Variants in AKR1C3 observed in about 807,000 individuals in gnomAD.
AKR1C3 encodes the protein 3-alpha hydroxysteroid dehydrogenase, type II.
Under a neutral mutation model 43.6 loss-of-function variants are expected in AKR1C3, and 48 were observed. The ratio of observed to expected loss-of-function variants is 1.10; its 90% CI spans 0.87 to 1.40. The LOEUF (loss-of-function observed/expected upper bound fraction) is 1.40. Among genes scored for constraint, AKR1C3 ranks in the 40% most tolerant of loss-of-function variants. The pLI is 0.00. For missense variants in AKR1C3, 482 were observed against 391.2 expected, an observed-to-expected ratio of 1.23 and a Z score of -1.96; for synonymous variants, 162 against 139.6, an observed-to-expected ratio of 1.16 and a Z score of -1.13.
chr10:5,072,651 G>T (rs782056775), intron 1 of AKR1C3, among the ~76,000 whole-genome samples: 6 of 152,134 alleles, frequency 3.9e-5, no homozygotes, highest in Non-Finnish European at 7.4e-5. Context: ...ACAACTGCCT[G>T]CTTGTCATAA....
chr10:5,085,955 T>C (rs1214365437), intron 1 of AKR1C3, among the ~76,000 whole-genome samples: 5 of 151,874 alleles, frequency 3.3e-5, no homozygotes, highest in African/African-American at 4.9e-5. Context: ...GTCTATTTGA[T>C]TCTTCTCTCT....
intron 1 of AKR1C3, among the ~76,000 whole-genome samples, chr10:5,084,236 C>T (rs1365342991): frequency 6.6e-6 from 1 of 151,832 alleles, no homozygotes; most frequent in Non-Finnish European, 1.5e-5. Context: ...TTTAATCCAT[C>T]TTGAATTGAT....
At chr10:5,096,776 G>A (rs1488182748) in intron 2 of AKR1C3, among the ~76,000 whole-genome samples, 199 bp downstream of exon 2, 1 of 152,108 alleles carries the variant, frequency 6.6e-6, no homozygotes, top group Non-Finnish European at 1.5e-5. Context: ...TCCAATTTAT[G>A]ACCTGAAAGT....
chr10:5,107,616 T>C lies in AKR1C3; in HGVS notation c.*113T>C. ...CACCTCTACTTAAATCCGTCCTGTT[T>C]AGCGACTTCAGTCAACTACAGCTGA... is the stretch of plus-strand genomic sequence containing the variant. On this transcript the variant is annotated 3_prime_UTR_variant, in exon 9 of 9. Transcript: ENST00000380554. The C allele has an allele frequency of 2.5e-6, 2 of 786,690 alleles. No homozygotes were observed. Among genetic ancestry groups the C allele is most frequent in the Non-Finnish European group, 4.2e-6 (2 of 481,818 alleles). The allele number at this position is 786,690 out of a possible 1,614,324, so 48.7% of individuals were successfully genotyped here.
At chr10:5,096,666 G>A in intron 2 of AKR1C3, 89 bp downstream of exon 2, 1 of 1,457,870 alleles carries the variant, frequency 6.9e-7, no homozygotes, top group Non-Finnish European at 9.1e-7. Context: ...GTAGTTGTGG[G>A]TGAATTTTGC....
chr10:5,090,600 T>C (rs1464915597), upstream of AKR1C3, among the ~76,000 whole-genome samples: 1 of 152,116 alleles, frequency 6.6e-6, no homozygotes, highest in African/African-American at 2.4e-5. Context: ...TGCTTCTTCA[T>C]GGAGATAGAA....
chr10:5,097,517 C>T lies in AKR1C3; in HGVS notation c.336C>T (p.Asp112=), dbSNP rs201680078. 1.9e-6 allele frequency: 3 copies of T among 1,613,650 alleles called. No individual in the cohort carries two copies. The highest frequency in any genetic ancestry group is 2.2e-5 in the South Asian group (2 of 91,082). The change falls in exon 3 of 9, where the codon GAC becomes GAT. Residue 112 remains aspartate (D), a synonymous_variant. Transcript: ENST00000380554. ...SLKKAQLDYV[D]LYLIHSPMSL... ...AGAAAGCTCAATTGGACTATGTTGA[C>T]CTCTATCTTATTCATTCTCCAATGT... is the stretch of plus-strand genomic sequence containing the variant.
At chr10:5,069,690 C>T (rs563464467) in intron 1 of AKR1C3, among the ~76,000 whole-genome samples, 37 of 152,220 alleles carry the variant, frequency 2.4e-4, no homozygotes, top group African/African-American at 8.9e-4. Context: ...GCCTGGCCAA[C>T]ATGGTGAAAC....
exon 1 of AKR1C3, chr10:5,048,862 T>C: frequency 1.2e-6 from 2 of 1,613,920 alleles, no homozygotes; most frequent in Non-Finnish European, 1.7e-6. Flanking sequence ...ACTTCATGCC[T>C]GTCCTGGGAT....
upstream of AKR1C3, among the ~76,000 whole-genome samples, chr10:5,090,490 TC>T (rs1839066858): frequency 6.6e-6 from 1 of 152,088 alleles, no homozygotes; most frequent in African/African-American, 2.4e-5. Flanking sequence ...AAAACTACTG[TC>T]CCATAGCTCT....
chr10:5,083,324 G>A (rs934135096), intron 1 of AKR1C3, among the ~76,000 whole-genome samples: 147 of 152,076 alleles, frequency 9.7e-4, no homozygotes, highest in Non-Finnish European at 1.2e-3. Context: ...GAGAACATGC[G>A]GTGTTTGGTT....
intron 1 of AKR1C3, among the ~76,000 whole-genome samples, chr10:5,066,756 T>C (rs1768761132): frequency 6.6e-6 from 1 of 152,240 alleles, no homozygotes; most frequent in Admixed American, 6.5e-5. Context: ...ATTTAATGTA[T>C]TTTTCCGTAG....
At chr10:5,107,384 A>G in intron 8 of AKR1C3, 77 bp from the exon 9 acceptor site, 1 of 1,039,130 alleles carries the variant, frequency 9.6e-7, no homozygotes, top group South Asian at 1.3e-5. Flanking sequence ...TACTAATGAC[A>G]GCTTCATTGA....
chr10:5,067,475 G>A (rs1441910051), intron 1 of AKR1C3, among the ~76,000 whole-genome samples: 2 of 152,144 alleles, frequency 1.3e-5, no homozygotes, highest in African/African-American at 4.8e-5. Flanking sequence ...TTTTGTTGTA[G>A]TGCAGATGGC....
chr10:5,070,821 C>G (rs1158583156), intron 1 of AKR1C3, among the ~76,000 whole-genome samples: 2 of 152,204 alleles, frequency 1.3e-5, no homozygotes, highest in African/African-American at 4.8e-5. Flanking sequence ...TCTTGAGCTT[C>G]TAGCCTCCAG....
At chr10:5,055,214 C>T (rs1838234970) in intron 1 of AKR1C3, among the ~76,000 whole-genome samples, 1 of 152,196 alleles carries the variant, frequency 6.6e-6, no homozygotes. Context: ...AAATGAACTG[C>T]CAACTGTATA....
At chr10:5,071,012 T>C (rs74317538) in intron 1 of AKR1C3, among the ~76,000 whole-genome samples, 4 of 152,224 alleles carry the variant, frequency 2.6e-5, no homozygotes, top group African/African-American at 9.6e-5. Flanking sequence ...TGGGGTGGTA[T>C]TGATGGGCTG....
chr10:5,080,625 T>TCAAA (rs59461346), intron 1 of AKR1C3: 41,242 of 151,666 alleles, frequency 0.27, 6,212 homozygotes, highest in East Asian at 0.54. Context: ...AGACTCCGTC[T>TCAAA]CAAACAAACA....
At chr10:5,064,306 G>T (rs1838448666) in intron 1 of AKR1C3, among the ~76,000 whole-genome samples, 1 of 152,088 alleles carries the variant, frequency 6.6e-6, no homozygotes, top group African/African-American at 2.4e-5. Flanking sequence ...AACGAGTGAT[G>T]CTGTGATGAC....
Sources: allele counts gnomAD v4.1 joint callset (sites outside exome capture counted in the v4.1 genomes callset), GRCh38; gene constraint gnomAD v4.1.1; transcripts MANE v1.5; gene names NCBI Gene and HGNC (gene_info 2026-07-23, HGNC 2026-07-21).